Variants in ZNF536 observed in about 807,000 individuals in gnomAD.
ZNF536 encodes zinc finger protein 536.
In ZNF536, 13 loss-of-function variants were observed where a neutral mutation model predicts 84.5. That is an observed-to-expected ratio of 0.15 (90% CI 0.10 to 0.24). ZNF536 has a LOEUF of 0.24. Among genes scored for constraint, ZNF536 ranks in the 10% least tolerant of loss-of-function variants. ZNF536 has a pLI of 1.00. For synonymous variants in ZNF536, 811 were observed against 742.5 expected, an observed-to-expected ratio of 1.09 and a Z score of -1.50; for missense variants, 1,536 against 1,747.5, an observed-to-expected ratio of 0.88 and a Z score of 2.16.
chr19:30,445,533 C>T lies in ZNF536; in HGVS notation c.1971C>T (p.Arg657=). 6.2e-7 allele frequency: 1 copy of T among 1,613,832 alleles called. No homozygotes were observed. Among genetic ancestry groups the T allele is most frequent in the African/African-American group, 1.3e-5 (1 of 75,048 alleles). The change falls in exon 2 of 5, where the codon CGC becomes CGT. Residue 657 remains arginine (R), a synonymous_variant. Transcript: ENST00000355537. The surrounding 1 kb of genome is among the most constrained non-coding windows in gnomAD (Gnocchi z 4.5). ...ACTCCCGTGTCCACAAGCGGGACCGCAAGGGCGAGGAGGATGGGCTGCACG... is the reference window on the plus strand; with the variant it reads ...ACTCCCGTGTCCACAAGCGGGACCGTAAGGGCGAGGAGGATGGGCTGCACG... ...VVHSRVHKRD[R]KGEEDGLHVG... is the part of the protein sequence containing the mutation.
intron 1 of ZNF536, among the ~76,000 whole-genome samples, chr19:30,610,994 A>G (rs2048085790): frequency 6.6e-6 from 1 of 152,164 alleles, no homozygotes; most frequent in African/African-American, 2.4e-5. Flanking sequence ...CAGTTGTGGC[A>G]TTTTTGTTGA....
At chr19:30,343,084 G>T (rs535270889) in intron 2 of ZNF536, among the ~76,000 whole-genome samples, 1 of 152,102 alleles carries the variant, frequency 6.6e-6, no homozygotes, top group Non-Finnish European at 1.5e-5. Flanking sequence ...CCCTCGGCCC[G>T]GTGGGGACAG....
rs76154770 is a variant in ZNF536 at position 30,586,148 on chromosome 19, C to T, written c.169+36634C>T. 3.2e-3 allele frequency among the ~76,000 whole-genome samples: 490 copies of T among 152,318 alleles called. 26 individuals are homozygous for T. The East Asian group carries it at 0.08, about 25-fold the overall frequency. ...AGCTATTTCTAAGACTGAGTTTTAT[C>T]ATCCGTAACATCTAGCTGACAACAA... is the stretch of plus-strand genomic sequence containing the variant. On this transcript the variant is annotated intron_variant, in intron 1 of 1. Transcript: ENST00000592773.
intron 1 of ZNF536, among the ~76,000 whole-genome samples, chr19:30,566,405 T>C (rs531048568): frequency 6.6e-6 from 1 of 152,366 alleles, no homozygotes; most frequent in Admixed American, 6.5e-5. Flanking sequence ...ACTTCCTCTG[T>C]GGCAAGTCCT....
chr19:30,303,627 C>G (rs996189844), intron 2 of ZNF536, among the ~76,000 whole-genome samples: 3 of 152,050 alleles, frequency 2.0e-5, no homozygotes, highest in Non-Finnish European at 4.4e-5. Flanking sequence ...CTCAGCCTCC[C>G]GAGCAGCTGG....
intron 1 of ZNF536, among the ~76,000 whole-genome samples, chr19:30,433,677 A>G (rs2148008888): frequency 6.6e-6 from 1 of 152,232 alleles, no homozygotes; most frequent in East Asian, 1.9e-4. Flanking sequence ...TTGTGTTTTT[A>G]GTAGAGATGG....
At chr19:30,656,472 C>T (rs1046494802) in intron 1 of ZNF536, among the ~76,000 whole-genome samples, 2 of 152,198 alleles carry the variant, frequency 1.3e-5, no homozygotes, top group Admixed American at 6.5e-5. Context: ...GCTGGAAACG[C>T]GCTGTCACTC....
At chr19:30,235,265 G>T (rs896351634) in intron 1 of ZNF536, among the ~76,000 whole-genome samples, 1 of 152,230 alleles carries the variant, frequency 6.6e-6, no homozygotes, top group African/African-American at 2.4e-5. Context: ...GCATGGCCGA[G>T]CGGGCATTGG....
At chr19:30,603,151 C>T (rs1255854145) in intron 1 of ZNF536, among the ~76,000 whole-genome samples, 1 of 152,170 alleles carries the variant, frequency 6.6e-6, no homozygotes, top group African/African-American at 2.4e-5. Context: ...TCAACGTCTG[C>T]CAAGTACTCT....
chr19:30,700,662 C>T (rs958812450), intron 1 of ZNF536, among the ~76,000 whole-genome samples: 2 of 152,162 alleles, frequency 1.3e-5, no homozygotes, highest in Non-Finnish European at 2.9e-5. Flanking sequence ...TGTGGAATTT[C>T]AGGCCTGAGC....
downstream of ZNF536, among the ~76,000 whole-genome samples, chr19:30,562,190 C>T (rs567411860): frequency 9.2e-5 from 14 of 152,174 alleles, no homozygotes; most frequent in Non-Finnish European, 1.8e-4. Flanking sequence ...GTCTTAAACT[C>T]TATAGTCTCC....
chr19:30,376,674 G>A (rs1449144248), intron 1 of ZNF536, among the ~76,000 whole-genome samples: 1 of 152,148 alleles, frequency 6.6e-6, no homozygotes, highest in African/African-American at 2.4e-5. Context: ...TTTCCTGCCT[G>A]GAGGCACTTT....
intron 1 of ZNF536, among the ~76,000 whole-genome samples, chr19:30,598,202 C>T (rs1181654012): frequency 6.6e-6 from 1 of 152,198 alleles, no homozygotes; most frequent in African/African-American, 2.4e-5. Flanking sequence ...TCCAGCAACT[C>T]AGCAATAGAG....
intron 2 of ZNF536, among the ~76,000 whole-genome samples, chr19:30,512,887 G>A (rs186612542): frequency 1.7e-4 from 26 of 152,278 alleles, no homozygotes; most frequent in Admixed American, 5.2e-4. Context: ...TGAACCAGGC[G>A]TTCACAAAGA....
At chr19:30,511,157 G>A (rs2145528213) in intron 2 of ZNF536, among the ~76,000 whole-genome samples, 1 of 152,288 alleles carries the variant, frequency 6.6e-6, no homozygotes, top group Non-Finnish European at 1.5e-5. Context: ...TCCGGAAGGT[G>A]ATGTGGCTTG....
chr19:30,476,216 A>G (rs1568468315), intron 2 of ZNF536, among the ~76,000 whole-genome samples: 1 of 151,588 alleles, frequency 6.6e-6, no homozygotes, highest in East Asian at 1.9e-4. Context: ...GTCATCATCC[A>G]CTCCCCAGCG....
chr19:30,481,768 C>G (rs2144867066), intron 2 of ZNF536, among the ~76,000 whole-genome samples: 1 of 152,162 alleles, frequency 6.6e-6, no homozygotes, highest in South Asian at 2.1e-4. Context: ...GTGGTGCACC[C>G]ATCACCCCAG....
At chr19:30,516,833 C>T (rs781317856) in intron 2 of ZNF536, among the ~76,000 whole-genome samples, 1 of 152,074 alleles carries the variant, frequency 6.6e-6, no homozygotes, top group Non-Finnish European at 1.5e-5. Flanking sequence ...GGCTTCGTGG[C>T]GAGGCTTCGT....
At position 30,419,739 on chromosome 19, in the gene ZNF536, C is replaced by A. The variant is rs796313198; in HGVS notation, c.-2-23822C>A. Among the ~76,000 whole-genome samples the A allele has an allele frequency of 7.9e-5, 12 of 152,320 alleles. 1 individual carries two copies. Among genetic ancestry groups the A allele is most frequent in the African/African-American group, 2.9e-4 (12 of 41,564 alleles). On this transcript the variant is annotated intron_variant, in intron 1 of 4. Coordinates refer to ENST00000355537, the MANE Select transcript of ZNF536 (RefSeq NM_014717.3). ...ATGGGGTCTGAGAAGAGGCAGCACG[C>A]TCCGTCTCCTGATGTGCTCACATCT...
Sources: gnomAD v4.1 joint callset for allele counts (sites outside exome capture counted in the v4.1 genomes callset) on GRCh38, gnomAD v4.1.1 for gene constraint, Gnocchi (gnomAD v3.1) non-coding constraint, MANE v1.5 for transcripts, NCBI Gene and HGNC (gene_info 2026-07-23, HGNC 2026-07-21) for gene names.